RBM6: variants seen among roughly 807,000 people sequenced by gnomAD.
RBM6 encodes the protein RNA binding motif protein 6, also known as RNA-binding protein 6.
In RBM6, 23 loss-of-function variants were observed where a neutral mutation model predicts 140.4. The ratio of observed to expected loss-of-function variants is 0.16; its 90% CI spans 0.12 to 0.23. RBM6 has a LOEUF of 0.23. Among genes scored for constraint, RBM6 ranks in the 10% least tolerant of loss-of-function variants. The pLI is 1.00. For missense variants in RBM6, 1,139 were observed against 1,386.7 expected, an observed-to-expected ratio of 0.82 and a Z score of 2.84; for synonymous variants, 439 against 475.6, an observed-to-expected ratio of 0.92 and a Z score of 1.00.
At position 49,991,747 on chromosome 3, in the gene RBM6, T is replaced by C. The variant is rs2085836915; in HGVS notation, c.1484-7693T>C. 5.3e-5 allele frequency among the ~76,000 whole-genome samples: 8 copies of C among 152,256 alleles called. No homozygotes were observed. In the South Asian group the frequency reaches 1.7e-3, roughly 32 times the overall value. ...CCATCTCTGCTGTATTAACCTCATGTACCTTAGCTCATGGCTAGGTCGTTT... is the reference window on the plus strand; with the variant it reads ...CCATCTCTGCTGTATTAACCTCATGCACCTTAGCTCATGGCTAGGTCGTTT... On this transcript the variant is annotated intron_variant, in intron 5 of 20. Transcript: ENST00000266022.
chr3:50,054,773 C>T (rs2089634629), intron 8 of RBM6, among the ~76,000 whole-genome samples: 1 of 152,082 alleles, frequency 6.6e-6, no homozygotes, highest in African/African-American at 2.4e-5. Context: ...CCTTGGCCTC[C>T]CATAGTGCTG....
At chr3:49,991,099 T>C (rs1382940005) in intron 5 of RBM6, among the ~76,000 whole-genome samples, 1 of 152,216 alleles carries the variant, frequency 6.6e-6, no homozygotes, top group Non-Finnish European at 1.5e-5. Context: ...TCAGATTTGA[T>C]AACTTTCTAA....
Position 50,015,149 on chromosome 3 carries a change from C to G in RBM6, c.1557+15636C>G, listed in dbSNP as rs868443148. Among the ~76,000 whole-genome samples the G allele has an allele frequency of 4.4e-4, 66 of 150,758 alleles. 1 individual carries two copies. The highest frequency in any genetic ancestry group is 3.5e-3 in the Middle Eastern group (1 of 288). ...TGAGACAGAGTCACGCTCTGTCACC[C>G]AAGCTGGAGTGCAGTAGCACCATCT... On this transcript the variant is annotated intron_variant, in intron 6 of 20. Transcript: ENST00000266022.
At chr3:50,022,043 G>C (rs777349193) in intron 6 of RBM6, among the ~76,000 whole-genome samples, 1 of 151,670 alleles carries the variant, frequency 6.6e-6, no homozygotes, top group Non-Finnish European at 1.5e-5. Context: ...GACAGAGTGA[G>C]CCCCTGTCTC....
Position 50,057,833 on chromosome 3 carries a change from A to G in RBM6, c.1799A>G (p.Lys600Arg), listed in dbSNP as rs560398578. ...QPNQPLRPADKEPEPRKREEG... is the reference protein window; with the variant it reads ...QPNQPLRPADREPEPRKREEG... ...AACCAGCCCCTAAGACCAGCTGATA[A>G]GGAACCTGAACCCAGGAAGAGGGAA... The change falls in exon 9 of 21, where the codon AAG becomes AGG. Residue 600 changes from lysine to arginine, a missense_variant. Lys to Arg is a conservative substitution (Grantham distance 26). Coordinates refer to ENST00000266022, the MANE Select transcript of RBM6 (RefSeq NM_005777.3). The G allele has an allele frequency of 3.7e-6, 6 of 1,613,938 alleles. No homozygotes were observed. Among genetic ancestry groups the G allele is most frequent in the Non-Finnish European group, 5.1e-6 (6 of 1,180,018 alleles).
At chr3:50,025,047 A>G (rs564339411) in intron 6 of RBM6, among the ~76,000 whole-genome samples, 6 of 151,524 alleles carry the variant, frequency 4.0e-5, no homozygotes, top group African/African-American at 1.4e-4. Flanking sequence ...ATGTATTACA[A>G]TTTATTCAAA....
At chr3:49,993,554 A>T (rs1266156586) in intron 5 of RBM6, among the ~76,000 whole-genome samples, 1 of 152,138 alleles carries the variant, frequency 6.6e-6, no homozygotes, top group Non-Finnish European at 1.5e-5. Flanking sequence ...AGGCAGGAGA[A>T]TTGCTTGAAC....
rs374879336 is a variant in RBM6 at position 49,972,208 on chromosome 3, A to T, written c.1413+60A>T. On this transcript the variant is annotated intron_variant, in intron 4 of 20. Transcript: ENST00000266022. Reference sequence around the variant, plus strand: ...AATTAAAAATTAAAAAAACCTTTTAATTTGAAAAATTGTAGATTCACAAGA... The same window carrying T: ...AATTAAAAATTAAAAAAACCTTTTATTTTGAAAAATTGTAGATTCACAAGA... The T allele has an allele frequency of 8.2e-5, 109 of 1,334,600 alleles. No homozygotes were observed. In the East Asian group the frequency reaches 1.7e-3, roughly 21 times the overall value. The allele number at this position is 1,334,600 out of a possible 1,614,324, so 82.7% of individuals were successfully genotyped here.
chr3:50,025,078 G>A (rs1172771091), intron 6 of RBM6, among the ~76,000 whole-genome samples: 4 of 150,496 alleles, frequency 2.7e-5, no homozygotes, highest in South Asian at 2.1e-4. Context: ...GATGGACTGT[G>A]GGTTTTTTTT....
chr3:50,048,972 T>C (rs1559630052), intron 7 of RBM6, among the ~76,000 whole-genome samples: 1 of 151,342 alleles, frequency 6.6e-6, no homozygotes, highest in Non-Finnish European at 1.5e-5. Flanking sequence ...CTGCCTGATT[T>C]TTGTATTTTT....
At chr3:49,973,155 G>A (rs1051554958) in intron 4 of RBM6, among the ~76,000 whole-genome samples, 3 of 152,056 alleles carry the variant, frequency 2.0e-5, no homozygotes, top group Non-Finnish European at 4.4e-5. Context: ...TTGAGGCAGC[G>A]TCTCACTTTG....
intron 6 of RBM6, among the ~76,000 whole-genome samples, chr3:50,040,445 CAAAAAAAAA>C (rs1163542465): frequency 4.4e-4 from 30 of 67,656 alleles, no homozygotes; most frequent in East Asian, 1.8e-3. Context: ...GGCTCCTTCT[CAAAAAAAAA>C]AAAAAAAAAA....
chr3:50,004,311 C>G (rs202081520), intron 6 of RBM6, among the ~76,000 whole-genome samples: 2 of 21,236 alleles, frequency 9.4e-5, no homozygotes, highest in African/African-American at 3.5e-4. Flanking sequence ...TCCCCTCCCC[C>G]CCCTCCCCTC....
intron 6 of RBM6, among the ~76,000 whole-genome samples, chr3:50,008,199 G>A (rs780571421): frequency 1.1e-4 from 16 of 152,050 alleles, no homozygotes; most frequent in Admixed American, 2.0e-4. Context: ...TAATTCTCTC[G>A]AATTTGAAAA....
At chr3:49,988,643 A>G (rs940231980) in intron 5 of RBM6, among the ~76,000 whole-genome samples, 1 of 152,198 alleles carries the variant, frequency 6.6e-6, no homozygotes, top group African/African-American at 2.4e-5. Context: ...TGCATTTATT[A>G]GTAGTGAGTT....
intron 8 of RBM6, among the ~76,000 whole-genome samples, chr3:50,057,483 A>T (rs2089750080): frequency 6.7e-6 from 1 of 149,140 alleles, no homozygotes; most frequent in Non-Finnish European, 1.5e-5. Context: ...AGCTACTCTG[A>T]AGGCTGAGGC....
chr3:50,043,427 GTGCCAAGATCATGCCACTGCA>G (rs2089038246), intron 6 of RBM6, among the ~76,000 whole-genome samples: 1 of 150,222 alleles, frequency 6.7e-6, no homozygotes, highest in Non-Finnish European at 1.5e-5. Flanking sequence ...AGGTTGCAGT[GTGCCAAGATCATGCCACTGCA>G]TGCCACTCCA....
At chr3:49,956,328 C>CTTTTTTTTTT (rs34467093) in intron 1 of RBM6, among the ~76,000 whole-genome samples, 9 of 72,004 alleles carry the variant, frequency 1.2e-4, no homozygotes, top group Non-Finnish European at 1.8e-4. Context: ...CCCTCCCCCG[C>CTTTTTTTTTT]TTTTTTTTTT....
chr3:50,006,654 C>T (rs928792678), intron 6 of RBM6, among the ~76,000 whole-genome samples: 13 of 149,028 alleles, frequency 8.7e-5, no homozygotes, highest in Non-Finnish European at 1.5e-4. Flanking sequence ...GGCTGGTGGC[C>T]GGGTGCGGTG....
Sources: gnomAD v4.1 joint callset for allele counts (sites outside exome capture counted in the v4.1 genomes callset) on GRCh38, gnomAD v4.1.1 for gene constraint, MANE v1.5 for transcripts, NCBI Gene and HGNC (gene_info 2026-07-23, HGNC 2026-07-21) for gene names.